The following ROBO1 variants were observed in gnomAD, a reference collection of about 807,000 sequenced individuals.
ROBO1 encodes roundabout homolog 1.
A neutral mutation model predicts 195.9 loss-of-function variants in ROBO1; 149 were observed. The ratio of observed to expected loss-of-function variants is 0.76; its 90% CI spans 0.67 to 0.87. ROBO1 has a LOEUF of 0.87. ROBO1 is among the 40% of genes least tolerant of loss of function. The pLI is 0.00. For missense variants in ROBO1, 1,933 were observed against 2,068.3 expected (o/e 0.93, Z 1.27); for synonymous variants, 816 against 733.2 (o/e 1.11, Z -1.82).
intron 2 of ROBO1, among the ~76,000 whole-genome samples, chr3:79,391,284 C>T (rs2036938910): frequency 6.6e-6 from 1 of 152,026 alleles, no homozygotes. Flanking sequence ...CAGACTGAGA[C>T]TCCATCTCAA....
At chr3:79,648,696 A>C (rs1263934526) in intron 1 of ROBO1, among the ~76,000 whole-genome samples, 1 of 152,134 alleles carries the variant, frequency 6.6e-6, no homozygotes. Flanking sequence ...TTAATAAAAT[A>C]AATGAATTGT....
chr3:79,072,377 G>A (rs1023819185), intron 3 of ROBO1, among the ~76,000 whole-genome samples: 1 of 151,886 alleles, frequency 6.6e-6, no homozygotes, highest in East Asian at 1.9e-4. Flanking sequence ...TTCATCCATT[G>A]AAAATCCTAA....
chr3:79,082,101 A>T (rs902680977), intron 3 of ROBO1, among the ~76,000 whole-genome samples: 6 of 152,194 alleles, frequency 3.9e-5, no homozygotes, highest in Non-Finnish European at 8.8e-5. Flanking sequence ...AAATTCAAAG[A>T]CTTTTAAGCA....
intron 1 of ROBO1, among the ~76,000 whole-genome samples, chr3:79,600,402 A>C (rs1944305137): frequency 6.6e-6 from 1 of 152,000 alleles, no homozygotes; most frequent in African/African-American, 2.4e-5. Context: ...ACATGTTGAG[A>C]GGCAGAAGTG....
At chr3:79,626,024 C>T (rs761532414) in intron 1 of ROBO1, among the ~76,000 whole-genome samples, 36 of 152,204 alleles carry the variant, frequency 2.4e-4, no homozygotes, top group Non-Finnish European at 4.4e-4. Flanking sequence ...AAGTCAGCTT[C>T]ATCCCTGGTT....
At chr3:79,372,857 G>A (rs1024840000) in intron 2 of ROBO1, among the ~76,000 whole-genome samples, 1 of 151,902 alleles carries the variant, frequency 6.6e-6, no homozygotes. Context: ...CTAAAATATA[G>A]ATGGTATATT....
At chr3:79,588,369 G>A (rs75292689) in intron 2 of ROBO1, among the ~76,000 whole-genome samples, 1 of 151,512 alleles carries the variant, frequency 6.6e-6, no homozygotes, top group African/African-American at 2.4e-5. Context: ...GACAGACACA[G>A]GTGGTTCAAA....
At chr3:79,347,220 T>C (rs1235568116) in intron 2 of ROBO1, among the ~76,000 whole-genome samples, 1 of 152,160 alleles carries the variant, frequency 6.6e-6, no homozygotes, top group East Asian at 1.9e-4. Flanking sequence ...TTTCTAAATA[T>C]TTCCATAACA....
intron 2 of ROBO1, among the ~76,000 whole-genome samples, chr3:79,236,531 A>C (rs549523006): frequency 6.6e-6 from 1 of 152,280 alleles, no homozygotes; most frequent in East Asian, 1.9e-4. Flanking sequence ...AACAACTTAA[A>C]GTCTTTTTGT....
intron 2 of ROBO1, among the ~76,000 whole-genome samples, chr3:79,502,197 C>G (rs529020624): frequency 6.6e-6 from 1 of 152,354 alleles, no homozygotes; most frequent in East Asian, 1.9e-4. Context: ...ACTGTGGGAG[C>G]CCCTTTCTGG....
At chr3:78,825,953 G>A (rs927668026) in intron 4 of ROBO1, among the ~76,000 whole-genome samples, 1 of 152,132 alleles carries the variant, frequency 6.6e-6, no homozygotes, top group African/African-American at 2.4e-5. Flanking sequence ...ACTACTGGAA[G>A]AAAACATTCT....
In ROBO1 at chr3:79,060,847, T is replaced by A. The variant is rs1192573638; in HGVS notation, c.172+64609A>T. On this transcript the variant is annotated intron_variant, in intron 3 of 30. Coordinates refer to ENST00000464233, the MANE Select transcript of ROBO1 (RefSeq NM_002941.4). ...ATAAACTAGGTATTGATGGACTATA[T>A]CTCAAAATAATAAGAGCTATTTATG... is the stretch of plus-strand genomic sequence containing the variant. Among the ~76,000 whole-genome samples, 3 of 152,132 alleles carry A rather than the reference T, an allele frequency of 2.0e-5. No homozygotes were observed. In the East Asian group the frequency reaches 5.8e-4, roughly 29 times the overall value.
rs573442400 is a variant in ROBO1, at chr3:79,062,593, C to G, written c.172+62863G>C. Among the ~76,000 whole-genome samples, 3 of 152,220 alleles carry G rather than the reference C, an allele frequency of 2.0e-5. No homozygotes were observed. In the South Asian group the frequency reaches 6.2e-4, roughly 32 times the overall value. On this transcript the variant is annotated intron_variant, in intron 3 of 30. Coordinates refer to ENST00000464233, the MANE Select transcript of ROBO1 (RefSeq NM_002941.4). ...ATTCACAATAGGAAAGTCTTGGAAC[C>G]AACCCAAATGTCCATCAATGATGGA...
At chr3:79,240,092 G>A (rs375194076) in intron 2 of ROBO1, among the ~76,000 whole-genome samples, 4 of 152,060 alleles carry the variant, frequency 2.6e-5, no homozygotes, top group East Asian at 3.9e-4. Flanking sequence ...TAGGTATGTA[G>A]TACTTGTTAT....
chr3:79,530,611 TA>T (rs1341105905), intron 2 of ROBO1, among the ~76,000 whole-genome samples: 2 of 152,164 alleles, frequency 1.3e-5, no homozygotes, highest in East Asian at 1.9e-4. Flanking sequence ...TATCCATTGT[TA>T]AAAAACCTAG....
intron 3 of ROBO1, among the ~76,000 whole-genome samples, chr3:79,002,019 T>A (rs1352357639): frequency 3.3e-5 from 5 of 152,090 alleles, no homozygotes; most frequent in African/African-American, 9.7e-5. Flanking sequence ...CTAGGTGGTG[T>A]GGTAACTATT....
intron 2 of ROBO1, among the ~76,000 whole-genome samples, chr3:79,246,268 C>T (rs1251770871): frequency 6.6e-6 from 1 of 151,956 alleles, no homozygotes; most frequent in Non-Finnish European, 1.5e-5. Flanking sequence ...TTCATGACAA[C>T]CCCAGGAGGT....
chr3:78,679,475 A>G (rs1369023832), intron 10 of ROBO1, among the ~76,000 whole-genome samples: 2 of 152,232 alleles, frequency 1.3e-5, no homozygotes, highest in Non-Finnish European at 2.9e-5. Flanking sequence ...CAACTTCAGC[A>G]AAGTCTCAGG....
intron 1 of ROBO1, among the ~76,000 whole-genome samples, chr3:79,644,667 G>A (rs1353276589): frequency 6.6e-6 from 1 of 152,144 alleles, no homozygotes; most frequent in Non-Finnish European, 1.5e-5. Flanking sequence ...TTCAAAATGA[G>A]ATTTTGGTGG....
Sources: gnomAD v4.1 joint callset for allele counts (sites outside exome capture counted in the v4.1 genomes callset) on GRCh38, gnomAD v4.1.1 for gene constraint, MANE v1.5 for transcripts, NCBI Gene and HGNC (gene_info 2026-07-23, HGNC 2026-07-21) for gene names.